The following NFILZ variants were observed in gnomAD, a reference collection of about 807,000 sequenced individuals.
NFILZ encodes the protein NFIL3 like basic leucine zipper.
At chr19:8,650,126 A>G (rs1232034893) in intron 3 of NFILZ, among the ~76,000 whole-genome samples, 4 of 151,364 alleles carry the variant, frequency 2.6e-5, no homozygotes, top group African/African-American at 9.7e-5. Context: ...AAAAAAAAAA[A>G]TTGGTTCCAA....
chr19:8,667,426 TG>T (rs1284227423), intron 3 of NFILZ, among the ~76,000 whole-genome samples: 2 of 152,138 alleles, frequency 1.3e-5, no homozygotes, highest in East Asian at 1.9e-4. Context: ...CCTTGATATC[TG>T]GGGGGGATTG....
chr19:8,664,242 T>A (rs907848708), intron 3 of NFILZ, among the ~76,000 whole-genome samples: 30 of 152,198 alleles, frequency 2.0e-4, no homozygotes, highest in African/African-American at 6.3e-4. Context: ...TGCAAACCTG[T>A]GCCCATTTCA....
chr19:8,654,730 C>G (rs1251311849), intron 3 of NFILZ, among the ~76,000 whole-genome samples: 1 of 152,074 alleles, frequency 6.6e-6, no homozygotes, highest in Non-Finnish European at 1.5e-5. Context: ...ATACAGCGCC[C>G]ACCAGGTGCC....
At chr19:8,669,000 A>C (rs2043075071) in intron 3 of NFILZ, among the ~76,000 whole-genome samples, 2 of 152,116 alleles carry the variant, frequency 1.3e-5, no homozygotes, top group Non-Finnish European at 2.9e-5. Flanking sequence ...ACTGGAGTGC[A>C]GTGGTGCAAT....
At chr19:8,653,525 A>G (rs996049257) in intron 3 of NFILZ, among the ~76,000 whole-genome samples, 27 of 152,214 alleles carry the variant, frequency 1.8e-4, no homozygotes, top group Non-Finnish European at 7.3e-5. Flanking sequence ...AACTGCACGC[A>G]TGTTTTTTCC....
chr19:8,640,730 C>T (rs1167156667), intron 3 of NFILZ, among the ~76,000 whole-genome samples: 1 of 152,150 alleles, frequency 6.6e-6, no homozygotes, highest in Non-Finnish European at 1.5e-5. Flanking sequence ...ACTCTTCTCA[C>T]AGTTTCTGTA....
Position 8,677,920 on chromosome 19 carries a change from A to G in NFILZ, c.*285A>G, listed in dbSNP as rs1478166697. On this transcript the variant is annotated 3_prime_UTR_variant, in exon 6 of 6. Coordinates refer to ENST00000691075, the MANE Select transcript of NFILZ (RefSeq NM_001378600.1). ...CTTCCTTCCTCCTTTCCATTTATCT[A>G]TTCTTCCCTATAGCCATCCATTCAT... Among the ~76,000 whole-genome samples, 1 of 151,432 alleles carries G rather than the reference A, an allele frequency of 6.6e-6. No homozygotes were observed. The highest frequency in any genetic ancestry group is 1.5e-5 in the Non-Finnish European group (1 of 67,874).
chr19:8,633,270 C>T (rs1600136750), intron 2 of NFILZ, among the ~76,000 whole-genome samples: 1 of 152,068 alleles, frequency 6.6e-6, no homozygotes. Flanking sequence ...GATGCACCCA[C>T]CTCGGCCTCC....
At chr19:8,631,155 C>T (rs1198274172) in intron 1 of NFILZ, among the ~76,000 whole-genome samples, 1 of 152,138 alleles carries the variant, frequency 6.6e-6, no homozygotes, top group Non-Finnish European at 1.5e-5. Context: ...GGAATCATTG[C>T]TTTAACTCAA....
chr19:8,634,569 A>T (rs895004432), intron 2 of NFILZ, among the ~76,000 whole-genome samples: 1 of 152,308 alleles, frequency 6.6e-6, no homozygotes, highest in South Asian at 2.1e-4. Context: ...CTTTCATTTA[A>T]GTAAAAATTA....
rs2043131252 is a variant in NFILZ at position 8,678,816 on chromosome 19, A to C, written c.*1181A>C. 6.6e-6 allele frequency among the ~76,000 whole-genome samples: 1 copy of C among 152,076 alleles called. No individual in the cohort carries two copies. Among genetic ancestry groups the C allele is most frequent in the South Asian group, 2.1e-4 (1 of 4,820 alleles). ...TTACTTATAATTCACTTGTCCCCTC[A>C]CCCACCCACTCACGATCTTTAGACC... On this transcript the variant is annotated 3_prime_UTR_variant, in exon 6 of 6. Coordinates refer to ENST00000691075, the MANE Select transcript of NFILZ (RefSeq NM_001378600.1).
At chr19:8,675,404 A>C (rs1262362885) in intron 4 of NFILZ, among the ~76,000 whole-genome samples, 2 of 152,182 alleles carry the variant, frequency 1.3e-5, no homozygotes, top group African/African-American at 2.4e-5. Context: ...GGCTGAGGCA[A>C]GGGAGGTAGT....
At chr19:8,659,772 C>A (rs1448383199) in intron 3 of NFILZ, among the ~76,000 whole-genome samples, 1 of 152,124 alleles carries the variant, frequency 6.6e-6, no homozygotes, top group African/African-American at 2.4e-5. Context: ...CCCTCTGAGT[C>A]CCCACGGATG....
At chr19:8,663,318 G>A (rs1244559040) in intron 3 of NFILZ, among the ~76,000 whole-genome samples, 1 of 151,684 alleles carries the variant, frequency 6.6e-6, no homozygotes, top group South Asian at 2.1e-4. Flanking sequence ...AGATTTGGGG[G>A]TGAGAGAAAA....
intron 3 of NFILZ, among the ~76,000 whole-genome samples, chr19:8,642,812 C>G (rs1181379437): frequency 2.6e-5 from 4 of 152,076 alleles, no homozygotes; most frequent in African/African-American, 9.7e-5. Flanking sequence ...AGTAAGGAAA[C>G]AGAATCTATC....
At chr19:8,664,342 C>T (rs558520023) in intron 3 of NFILZ, among the ~76,000 whole-genome samples, 2 of 152,322 alleles carry the variant, frequency 1.3e-5, no homozygotes, top group East Asian at 1.9e-4. Flanking sequence ...GCCTCACCGG[C>T]TCTGGACACC....
At chr19:8,664,598 G>T (rs2043053397) in intron 3 of NFILZ, among the ~76,000 whole-genome samples, 1 of 152,134 alleles carries the variant, frequency 6.6e-6, no homozygotes, top group South Asian at 2.1e-4. Flanking sequence ...CTTTTATGAG[G>T]CAGGGGCTCC....
At position 8,681,026 on chromosome 19, in the gene NFILZ, G is replaced by A. The variant is rs1035689805; in HGVS notation, c.*3391G>A. On this transcript the variant is annotated 3_prime_UTR_variant, in exon 6 of 6. Transcript: ENST00000691075. ...TTTGTGGGCCAAGGTGAGGACTTTG[G>A]CTTCCTTTCTGAGTGATATGGGCAT... Among the ~76,000 whole-genome samples the A allele has an allele frequency of 2.0e-5, 3 of 151,902 alleles. No homozygotes were observed. Among genetic ancestry groups the A allele is most frequent in the African/African-American group, 7.3e-5 (3 of 41,356 alleles).
At chr19:8,632,691 A>G (rs1306333126) in intron 2 of NFILZ, 66 bp downstream of exon 2, 2 of 151,866 alleles carry the variant, frequency 1.3e-5, no homozygotes, top group African/African-American at 4.8e-5. Context: ...GGCAACCAGC[A>G]GCTCTTGTCT....
Sources: gnomAD v4.1 joint callset for allele counts (sites outside exome capture counted in the v4.1 genomes callset) on GRCh38, gnomAD v4.1.1 for gene constraint, MANE v1.5 for transcripts, NCBI Gene and HGNC (gene_info 2026-07-23, HGNC 2026-07-21) for gene names.